SBF2: variants seen among roughly 807,000 people sequenced by gnomAD.
SBF2 encodes the protein SET binding factor 2.
Under a neutral mutation model 225.2 loss-of-function variants are expected in SBF2, and 112 were observed. That is an observed-to-expected ratio of 0.50 (90% CI 0.43 to 0.58). The LOEUF (loss-of-function observed/expected upper bound fraction) is 0.58, where lower values mean the gene tolerates loss of function less well. SBF2 is among the 20% of genes least tolerant of loss of function. The pLI is 0.00. For missense variants in SBF2, 1,996 were observed against 2,206.2 expected, an observed-to-expected ratio of 0.90 and a Z score of 1.91; for synonymous variants, 763 against 773.3, an observed-to-expected ratio of 0.99 and a Z score of 0.22.
chr11:10,133,078 AG>A (rs1954150563), intron 2 of SBF2, among the ~76,000 whole-genome samples: 1 of 148,194 alleles, frequency 6.7e-6, no homozygotes, highest in Admixed American at 6.9e-5. Flanking sequence ...CTAGACATAA[AG>A]GTTCTCCACT....
intron 16 of SBF2, among the ~76,000 whole-genome samples, chr11:9,932,104 G>A (rs1056792331): frequency 6.6e-6 from 1 of 152,118 alleles, no homozygotes; most frequent in Admixed American, 6.5e-5. Flanking sequence ...AGCAACAAAC[G>A]AAGCCTCCAA....
At chr11:9,863,730 T>C (rs762016907) in intron 17 of SBF2, among the ~76,000 whole-genome samples, 2 of 150,764 alleles carry the variant, frequency 1.3e-5, no homozygotes, top group South Asian at 2.1e-4. Context: ...CTTAAACATA[T>C]TTGCTTTGTC....
intron 32 of SBF2, among the ~76,000 whole-genome samples, chr11:9,805,015 C>T (rs1204666950): frequency 1.3e-5 from 2 of 152,124 alleles, no homozygotes; most frequent in East Asian, 1.9e-4. Flanking sequence ...AAGGCCAAGG[C>T]AGATAGATCA....
intron 2 of SBF2, among the ~76,000 whole-genome samples, chr11:10,109,812 T>G (rs1449234180): frequency 6.6e-6 from 1 of 152,238 alleles, no homozygotes; most frequent in Admixed American, 6.5e-5. Flanking sequence ...TTGAGAATGG[T>G]CACCTAAAAC....
chr11:10,193,424 G>C (rs898231147), intron 2 of SBF2, among the ~76,000 whole-genome samples: 1 of 137,510 alleles, frequency 7.3e-6, no homozygotes, highest in Non-Finnish European at 1.5e-5. Context: ...GCACGATCTT[G>C]GCTCACTGCA....
In SBF2 at chr11:9,780,264, G is replaced by A. The variant is rs1590064987; in HGVS notation, c.*154C>T. 1.4e-6 allele frequency: 1 copy of A among 705,242 alleles called. No individual in the cohort carries two copies. The highest frequency in any genetic ancestry group is 1.8e-5 in the African/African-American group (1 of 57,116). The allele number at this position is 705,242 out of a possible 1,614,324, so 43.7% of individuals were successfully genotyped here. ...TGTGTGAAACACCTATTCAGGTTAA[G>A]TAGATATAGCAACCCCTGCAAGAGG... On this transcript the variant is annotated 3_prime_UTR_variant, in exon 40 of 40. Coordinates refer to ENST00000256190, the MANE Select transcript of SBF2 (RefSeq NM_030962.4).
At chr11:10,143,819 G>A (rs759101643) in intron 2 of SBF2, among the ~76,000 whole-genome samples, 2 of 151,980 alleles carry the variant, frequency 1.3e-5, no homozygotes, top group Non-Finnish European at 2.9e-5. Flanking sequence ...CCAGGTTCAC[G>A]CCATTCTCCT....
At chr11:10,078,233 G>T (rs1951204792) in intron 2 of SBF2, among the ~76,000 whole-genome samples, 1 of 152,182 alleles carries the variant, frequency 6.6e-6, no homozygotes, top group South Asian at 2.1e-4. Context: ...ACTCCTCAAG[G>T]ATCTAGAGCT....
intron 1 of SBF2, among the ~76,000 whole-genome samples, chr11:10,293,310 A>G (rs756482577): frequency 3.9e-5 from 6 of 152,258 alleles, no homozygotes; most frequent in Non-Finnish European, 8.8e-5. Context: ...ATTCTGTGAC[A>G]AATAAAAAGA....
intron 2 of SBF2, among the ~76,000 whole-genome samples, chr11:10,192,825 T>A (rs942561482): frequency 1.3e-5 from 2 of 152,204 alleles, no homozygotes; most frequent in Non-Finnish European, 2.9e-5. Context: ...ACTGCTTCTA[T>A]GTGTTTATGT....
intron 17 of SBF2, among the ~76,000 whole-genome samples, chr11:9,859,326 A>G (rs1173516299): frequency 6.6e-6 from 1 of 152,184 alleles, no homozygotes; most frequent in Non-Finnish European, 1.5e-5. Context: ...CTACCTTGGA[A>G]CCTCTGAAAA....
intron 1 of SBF2, among the ~76,000 whole-genome samples, chr11:10,236,163 C>T (rs1252863780): frequency 1.3e-5 from 2 of 152,058 alleles, no homozygotes; most frequent in African/African-American, 4.8e-5. Flanking sequence ...AAATAACGTT[C>T]GATTTAGGTC....
intron 2 of SBF2, among the ~76,000 whole-genome samples, chr11:10,153,561 T>A (rs916887481): frequency 1.6e-4 from 24 of 152,164 alleles, no homozygotes; most frequent in African/African-American, 5.3e-4. Context: ...TAAACAGTTT[T>A]ACCAGAAAGG....
chr11:10,160,360 T>C (rs1308717308), intron 2 of SBF2, among the ~76,000 whole-genome samples: 1 of 152,182 alleles, frequency 6.6e-6, no homozygotes, highest in Non-Finnish European at 1.5e-5. Flanking sequence ...GACAAAAACC[T>C]TGCCTCTTTC....
intron 22 of SBF2, 70 bp downstream of exon 22, chr11:9,849,953 G>A (rs1856803733): frequency 1.3e-5 from 18 of 1,394,410 alleles, no homozygotes; most frequent in Non-Finnish European, 1.7e-5. Context: ...GCAAATCACT[G>A]TGCACAGATG....
intron 32 of SBF2, among the ~76,000 whole-genome samples, chr11:9,799,863 T>C (rs1028033227): frequency 1.2e-4 from 19 of 152,360 alleles, no homozygotes; most frequent in Admixed American, 2.0e-4. Flanking sequence ...TTGCATTTTC[T>C]AATGAAGAAT....
chr11:10,263,195 A>G (rs1961612312), intron 1 of SBF2, among the ~76,000 whole-genome samples: 1 of 152,018 alleles, frequency 6.6e-6, no homozygotes, highest in African/African-American at 2.4e-5. Context: ...AAAAAAAATC[A>G]GCACAATAAA....
At chr11:9,780,754 AT>A (rs1197486919) in intron 39 of SBF2, 2 of 515,182 alleles carry the variant, frequency 3.9e-6, no homozygotes, top group African/African-American at 3.9e-5. Context: ...GGAGCGCCTT[AT>A]TTTGCATTTT....
At chr11:9,904,077 C>T (rs933969576) in intron 16 of SBF2, among the ~76,000 whole-genome samples, 4 of 151,988 alleles carry the variant, frequency 2.6e-5, no homozygotes, top group Admixed American at 1.3e-4. Flanking sequence ...TCTCCTGCCC[C>T]GCTCATGCCT....
Sources: gnomAD v4.1 joint callset for allele counts (sites outside exome capture counted in the v4.1 genomes callset) on GRCh38, gnomAD v4.1.1 for gene constraint, MANE v1.5 for transcripts, NCBI Gene and HGNC (gene_info 2026-07-23, HGNC 2026-07-21) for gene names.